The following CACNA1E variants were observed in gnomAD, a reference collection of about 807,000 sequenced individuals.
CACNA1E encodes the protein calcium voltage-gated channel subunit alpha1 E.
A neutral mutation model predicts 259.2 loss-of-function variants in CACNA1E; 40 were observed. The observed-to-expected ratio is 0.15, with a 90% confidence interval of 0.12 to 0.20. CACNA1E has a LOEUF of 0.20. Among genes scored for constraint, CACNA1E ranks in the 10% least tolerant of loss-of-function variants. CACNA1E has a pLI of 1.00. For synonymous variants in CACNA1E, 1,104 were observed against 1,138.5 expected (o/e 0.97, Z 0.61); for missense variants, 1,874 against 3,040.1 (o/e 0.62, Z 9.02).
intron 2 of CACNA1E, among the ~76,000 whole-genome samples, chr1:181,465,657 A>G (rs183760247): frequency 1.3e-3 from 196 of 152,254 alleles, no homozygotes; most frequent in Non-Finnish European, 2.1e-3. Flanking sequence ...ATATTTTATT[A>G]CAAGAAATTT....
At chr1:181,653,190 C>A (rs1025137834) in intron 7 of CACNA1E, among the ~76,000 whole-genome samples, 3 of 151,986 alleles carry the variant, frequency 2.0e-5, no homozygotes, top group African/African-American at 7.3e-5. Flanking sequence ...GGTACAGGCC[C>A]AAAATCTGGT....
intron 3 of CACNA1E, among the ~76,000 whole-genome samples, chr1:181,549,626 G>T (rs1647903429): frequency 6.6e-6 from 1 of 152,234 alleles, no homozygotes; most frequent in Non-Finnish European, 1.5e-5. Context: ...AAAGGGGGAT[G>T]ATGGGAGAAG....
intron 23 of CACNA1E, 56 bp downstream of exon 23, chr1:181,737,710 C>T (rs1656182008): frequency 6.3e-7 from 1 of 1,578,482 alleles, no homozygotes; most frequent in Non-Finnish European, 8.6e-7. Context: ...CTCACCCCAT[C>T]CCAGCACTGG....
chr1:181,411,002 G>T (rs1657802425), intron 1 of CACNA1E, among the ~76,000 whole-genome samples: 1 of 152,218 alleles, frequency 6.6e-6, no homozygotes, highest in African/African-American at 2.4e-5. Flanking sequence ...TCCAACACTG[G>T]TTGAATGATC....
At chr1:181,767,975 T>G (rs554758545) in intron 35 of CACNA1E, among the ~76,000 whole-genome samples, 2 of 152,372 alleles carry the variant, frequency 1.3e-5, no homozygotes, top group Middle Eastern at 3.4e-3. Context: ...TAGATATTTT[T>G]GGGGTACATG....
At chr1:181,526,777 C>T (rs1667393821) in intron 3 of CACNA1E, among the ~76,000 whole-genome samples, 1 of 152,120 alleles carries the variant, frequency 6.6e-6, no homozygotes, top group East Asian at 1.9e-4. Flanking sequence ...ACCTCTCATC[C>T]TCAATTTCCT....
At chr1:181,684,644 TG>T (rs1480606586) in intron 7 of CACNA1E, among the ~76,000 whole-genome samples, 1 of 152,186 alleles carries the variant, frequency 6.6e-6, no homozygotes, top group African/African-American at 2.4e-5. Flanking sequence ...CATTTTGAGT[TG>T]TTTTTTGTGT....
intron 25 of CACNA1E, among the ~76,000 whole-genome samples, chr1:181,749,892 T>C (rs765612322): frequency 2.8e-4 from 42 of 152,210 alleles, no homozygotes; most frequent in Non-Finnish European, 5.4e-4. Flanking sequence ...CTCCCTTATT[T>C]CAAGTTGGTT....
At chr1:181,600,507 G>A (rs1461088889) in intron 6 of CACNA1E, among the ~76,000 whole-genome samples, 3 of 152,212 alleles carry the variant, frequency 2.0e-5, no homozygotes, top group Admixed American at 6.5e-5. Flanking sequence ...GTGGGGCTGA[G>A]CAGTGATTAG....
chr1:181,772,123 C>T lies in CACNA1E; in HGVS notation c.5031C>T (p.Gly1677=), dbSNP rs374198016. ...EIMLSCLGEK[G]CEPDTTAPSG... ...TGCTGTCATGCCTTGGGGAGAAGGG[C>T]TGTGAGCCTGACACCACCGCACCAT... is the stretch of plus-strand genomic sequence containing the variant. Residue 1677 remains glycine, a synonymous_variant, in exon 37 of 48, where the codon GGC becomes GGT. Coordinates refer to ENST00000367573, the MANE Select transcript of CACNA1E (RefSeq NM_001205293.3). 8.7e-6 allele frequency: 14 copies of T among 1,613,818 alleles called. No homozygotes were observed. In the African/African-American group the frequency reaches 1.6e-4, roughly 18 times the overall value.
At chr1:181,669,518 A>C (rs1470504972) in intron 7 of CACNA1E, among the ~76,000 whole-genome samples, 1 of 151,462 alleles carries the variant, frequency 6.6e-6, no homozygotes, top group Non-Finnish European at 1.5e-5. Flanking sequence ...CACTATATAT[A>C]CTCCTCTATT....
intron 6 of CACNA1E, among the ~76,000 whole-genome samples, chr1:181,619,672 G>A (rs1489441567): frequency 6.6e-6 from 1 of 152,130 alleles, no homozygotes; most frequent in Non-Finnish European, 1.5e-5. Flanking sequence ...TAGCCCAGAG[G>A]GTAGCAGTAT....
Position 181,790,465 on chromosome 1 carries a change from C to T in CACNA1E, c.5807C>T (p.Pro1936Leu). 6.2e-7 allele frequency: 1 copy of T among 1,612,034 alleles called. No individual in the cohort carries two copies. Among genetic ancestry groups the T allele is most frequent in the Non-Finnish European group, 8.5e-7 (1 of 1,178,166 alleles). The change falls in exon 44 of 48, where the codon CCT becomes CTT. Residue 1936 changes from proline to leucine, a missense_variant. Transcript: ENST00000367573. Reference sequence around the variant, plus strand: ...TTCAGGAGTGGCCGGAGTGGATACCCTTCGATGAGTCCACTCTCTCCCCAG... The same window carrying T: ...TTCAGGAGTGGCCGGAGTGGATACCTTTCGATGAGTCCACTCTCTCCCCAG... ...VSGLSGRSGY[P>L]SMSPLSPQDI...
At chr1:181,624,288 G>A (rs1371104062) in intron 6 of CACNA1E, among the ~76,000 whole-genome samples, 1 of 152,084 alleles carries the variant, frequency 6.6e-6, no homozygotes, top group Non-Finnish European at 1.5e-5. Flanking sequence ...AGATTTGGAG[G>A]GTCAAATTTC....
chr1:181,561,658 G>A (rs1202323523), intron 3 of CACNA1E, among the ~76,000 whole-genome samples: 1 of 152,148 alleles, frequency 6.6e-6, no homozygotes, highest in African/African-American at 2.4e-5. Context: ...CAGTTGTATG[G>A]ATGATCACAA....
chr1:181,758,776 A>T lies in CACNA1E; in HGVS notation c.4513A>T (p.Thr1505Ser), dbSNP rs1658316403. The change falls in exon 32 of 48, where the codon ACC (threonine) becomes TCC (serine). Residue 1505 changes from threonine to serine, a missense_variant. Coordinates refer to ENST00000367573, the MANE Select transcript of CACNA1E (RefSeq NM_001205293.3). The surrounding 1 kb of genome is among the most constrained non-coding windows in gnomAD (Gnocchi z 4.2). ...CTGGCAGTATTATTCTGCTCCCTGT[A>T]CCTATGAGCTGGCCCTGAAGTACCT... Reference protein sequence around the residue: ...LMMKYYSAPCTYELALKYLNI... With the variant: ...LMMKYYSAPCSYELALKYLNI... 3 of 1,598,680 alleles carry T rather than the reference A, an allele frequency of 1.9e-6. No homozygotes were observed. The highest frequency in any genetic ancestry group is 1.7e-5 in the Admixed American group (1 of 59,960).
Position 181,758,628 on chromosome 1 carries a change from C to G in CACNA1E, c.4495-130C>G, listed in dbSNP as rs770992251. The G allele has an allele frequency of 2.1e-5, 12 of 580,360 alleles. No individual in the cohort carries two copies. The highest frequency in any genetic ancestry group is 3.4e-5 in the Non-Finnish European group (11 of 325,976). 36.0% of individuals were successfully genotyped at this position (580,360 alleles called of 1,614,324 possible). A position where few individuals can be genotyped will look rare whatever the true frequency, so the allele number is the denominator to read the frequency against. On this transcript the variant is annotated intron_variant, in intron 31 of 47. Transcript: ENST00000367573. This position sits in a 1 kb window ranked among gnomAD's most constrained non-coding sequence, Gnocchi z 4.2. The stretch of plus-strand genomic sequence containing the variant: ...CTCCTCTCCAGCACTCGAAGTCCAT[C>G]TCTCCTCCTGTACCACACACCAGAG...
chr1:181,574,127 G>A (rs1415734725), intron 3 of CACNA1E, among the ~76,000 whole-genome samples: 1 of 152,110 alleles, frequency 6.6e-6, no homozygotes, highest in Admixed American at 6.6e-5. Context: ...GGCCTCTCAC[G>A]GGTAAGTGTG....
At chr1:181,614,400 T>C (rs1176561937) in intron 6 of CACNA1E, among the ~76,000 whole-genome samples, 1 of 152,218 alleles carries the variant, frequency 6.6e-6, no homozygotes, top group Admixed American at 6.5e-5. Context: ...ATGGGCCCCA[T>C]GATGTTATTC....
Sources: gnomAD v4.1 joint callset for allele counts (sites outside exome capture counted in the v4.1 genomes callset) on GRCh38, gnomAD v4.1.1 for gene constraint, Gnocchi (gnomAD v3.1) non-coding constraint, MANE v1.5 for transcripts, NCBI Gene and HGNC (gene_info 2026-07-23, HGNC 2026-07-21) for gene names.